DLC1: variants seen among roughly 807,000 people sequenced by gnomAD.
DLC1 encodes the protein rho GTPase-activating protein 7.
In DLC1, 54 loss-of-function variants were observed where a neutral mutation model predicts 140.3. The ratio of observed to expected loss-of-function variants is 0.38; its 90% CI spans 0.31 to 0.48. DLC1 has a LOEUF of 0.48. Among genes scored for constraint, DLC1 ranks in the 20% least tolerant of loss-of-function variants. The pLI is 0.96. For synonymous variants in DLC1, 986 were observed against 728.1 expected (o/e 1.35, Z -5.70); for missense variants, 2,536 against 1,907.0 (o/e 1.33, Z -6.14).
At chr8:13,393,784 T>C in intron 3 of DLC1, 91 bp from the exon 4 acceptor site, 1 of 1,453,534 alleles carries the variant, frequency 6.9e-7, no homozygotes, top group Non-Finnish European at 9.3e-7. Context: ...ACTTCTTCTT[T>C]CTCCCAGTGC....
At chr8:13,348,154 G>T (rs1331775965) in intron 4 of DLC1, among the ~76,000 whole-genome samples, 1 of 152,080 alleles carries the variant, frequency 6.6e-6, no homozygotes, top group Non-Finnish European at 1.5e-5. Flanking sequence ...ACCACTTGCA[G>T]GGGATTTTAT....
intron 5 of DLC1, among the ~76,000 whole-genome samples, chr8:13,258,174 C>T (rs141581871): frequency 5.3e-5 from 8 of 152,298 alleles, no homozygotes; most frequent in Non-Finnish European, 8.8e-5. Context: ...TGAAGATTAA[C>T]AGTCTAAGCG....
rs184416384 is a variant in DLC1, at chr8:13,387,070, T to C, written c.1314+6483A>G. ...ATTAATTCAAATTTTTTGATGTTTC[T>C]GAAGAAGTTGTCTAAACTTCCCTTA... On this transcript the variant is annotated intron_variant, in intron 4 of 17. Transcript: ENST00000276297. Among the ~76,000 whole-genome samples the C allele has an allele frequency of 3.5e-3, 530 of 152,212 alleles. 1 individual carries two copies. Among genetic ancestry groups the C allele is most frequent in the Non-Finnish European group, 5.4e-3 (366 of 67,912 alleles).
chr8:13,406,188 T>TTTTTTTTTTG (rs1837553957), intron 2 of DLC1, among the ~76,000 whole-genome samples: 1 of 131,422 alleles, frequency 7.6e-6, no homozygotes, highest in South Asian at 2.6e-4. Flanking sequence ...TGTGTTTTTT[T>TTTTTTTTTTG]TTTTTTTTTT....
chr8:13,201,195 T>G (rs1738717162), intron 5 of DLC1, among the ~76,000 whole-genome samples: 1 of 151,870 alleles, frequency 6.6e-6, no homozygotes, highest in East Asian at 1.9e-4. Context: ...TCCAAGGTTT[T>G]GGGAATCTTT....
At chr8:13,532,872 A>C (rs1331126455) in intron 1 of DLC1, among the ~76,000 whole-genome samples, 2 of 152,192 alleles carry the variant, frequency 1.3e-5, no homozygotes, top group Non-Finnish European at 2.9e-5. Context: ...CATTTGCAAA[A>C]TTCTTCATGT....
At chr8:13,116,476 C>T (rs551152009) in intron 5 of DLC1, among the ~76,000 whole-genome samples, 1 of 152,250 alleles carries the variant, frequency 6.6e-6, no homozygotes, top group South Asian at 2.1e-4. Context: ...TCAACTCTTC[C>T]TCCCACCTTC....
intron 1 of DLC1, among the ~76,000 whole-genome samples, chr8:13,588,730 T>G (rs1355183432): frequency 6.6e-6 from 1 of 152,094 alleles, no homozygotes; most frequent in Non-Finnish European, 1.5e-5. Flanking sequence ...TCAGCAGCTG[T>G]CTTCTCAAAG....
At chr8:13,489,161 G>A (rs1015229781) in intron 2 of DLC1, among the ~76,000 whole-genome samples, 1 of 151,836 alleles carries the variant, frequency 6.6e-6, no homozygotes, top group East Asian at 1.9e-4. Flanking sequence ...TGGTCAGACC[G>A]GTGTCGAACT....
rs867104198 is a variant in DLC1, at chr8:13,135,967, C to A, written c.1349-20310G>T. ...TTTCTTTTGGTGATGCATTGGTTTG[C>A]GTTTGACCTTCCCTGAATCTCATCT... is the stretch of plus-strand genomic sequence containing the variant. On this transcript the variant is annotated intron_variant, in intron 5 of 17. Coordinates refer to ENST00000276297, the MANE Select transcript of DLC1 (RefSeq NM_182643.3). Among the ~76,000 whole-genome samples, 6 of 152,136 alleles carry A rather than the reference C, an allele frequency of 3.9e-5. No homozygotes were observed. The East Asian group carries it at 9.6e-4, about 24-fold the overall frequency.
intron 4 of DLC1, among the ~76,000 whole-genome samples, chr8:13,348,794 C>T (rs1365555155): frequency 6.6e-6 from 1 of 152,082 alleles, no homozygotes; most frequent in Non-Finnish European, 1.5e-5. Context: ...ATATCAATAG[C>T]ATTATTTCTC....
chr8:13,529,600 A>G (rs1348685761), intron 1 of DLC1, among the ~76,000 whole-genome samples: 2 of 152,182 alleles, frequency 1.3e-5, no homozygotes, highest in African/African-American at 4.8e-5. Flanking sequence ...TGTAGGAGAG[A>G]ATTTCAACAG....
At chr8:13,381,747 C>G (rs1346543960) in intron 4 of DLC1, among the ~76,000 whole-genome samples, 1 of 152,160 alleles carries the variant, frequency 6.6e-6, no homozygotes, top group Non-Finnish European at 1.5e-5. Context: ...CAAAACACTA[C>G]TGAATTCTCA....
intron 1 of DLC1, chr8:13,566,840 G>C (rs967782176): frequency 8.5e-6 from 9 of 1,055,138 alleles, no homozygotes; most frequent in African/African-American, 3.2e-5. Context: ...GGCCCGCGTT[G>C]CCAAGACAGC....
chr8:13,601,292 C>T (rs1369642631), intron 1 of DLC1, among the ~76,000 whole-genome samples: 1 of 151,706 alleles, frequency 6.6e-6, no homozygotes, highest in East Asian at 1.9e-4. Flanking sequence ...GCTCAAATTC[C>T]AGTCTTCCAG....
chr8:13,294,637 G>A (rs150250355), intron 5 of DLC1, among the ~76,000 whole-genome samples: 6 of 152,270 alleles, frequency 3.9e-5, no homozygotes, highest in South Asian at 2.1e-4. Flanking sequence ...AGGAAGGTGC[G>A]TGCTAGAAGA....
intron 1 of DLC1, among the ~76,000 whole-genome samples, chr8:13,597,509 G>T (rs1292980389): frequency 6.6e-6 from 1 of 151,792 alleles, no homozygotes; most frequent in East Asian, 1.9e-4. Flanking sequence ...AGTAACTCTG[G>T]GTGTTTTACC....
At chr8:13,486,637 G>A (rs748299230) in intron 2 of DLC1, among the ~76,000 whole-genome samples, 16 of 151,806 alleles carry the variant, frequency 1.1e-4, no homozygotes, top group Non-Finnish European at 1.8e-4. Context: ...GAAATGCAAG[G>A]GTATTTAGTT....
chr8:13,198,901 G>A (rs1329148332), intron 5 of DLC1, among the ~76,000 whole-genome samples: 1 of 151,868 alleles, frequency 6.6e-6, no homozygotes, highest in Non-Finnish European at 1.5e-5. Flanking sequence ...ATTTTTAGTA[G>A]AGACGGGGTT....
Sources: allele counts gnomAD v4.1 joint callset (sites outside exome capture counted in the v4.1 genomes callset), GRCh38; gene constraint gnomAD v4.1.1; transcripts MANE v1.5; gene names NCBI Gene and HGNC (gene_info 2026-07-23, HGNC 2026-07-21).